The following LRP1B variants were observed in gnomAD, a reference collection of about 807,000 sequenced individuals.
LRP1B encodes the protein low-density lipoprotein receptor-related protein 1B.
In LRP1B, 217 loss-of-function variants were observed where a neutral mutation model predicts 556.6. That is an observed-to-expected ratio of 0.39 (90% CI 0.35 to 0.44). LRP1B has a LOEUF of 0.44. Ranked by LOEUF, LRP1B falls within the 20% of genes least tolerant of loss-of-function variation. The probability of loss-of-function intolerance (pLI) is 1.00; values close to 1 mark genes in which losing one functional copy is unlikely to be tolerated. For missense variants in LRP1B, 5,053 were observed against 5,620.8 expected (o/e 0.90, Z 3.23); for synonymous variants, 2,047 against 1,865.8 (o/e 1.10, Z -2.50).
chr2:141,125,164 C>T (rs1232257243), intron 7 of LRP1B, among the ~76,000 whole-genome samples: 4 of 152,144 alleles, frequency 2.6e-5, no homozygotes, highest in African/African-American at 7.2e-5. Context: ...AGACAAGTAT[C>T]TTCTTTGGAA....
At chr2:141,599,645 CAAT>C (rs1687658881) in intron 2 of LRP1B, among the ~76,000 whole-genome samples, 1 of 152,044 alleles carries the variant, frequency 6.6e-6, no homozygotes, top group Non-Finnish European at 1.5e-5. Flanking sequence ...AAAAATGTAA[CAAT>C]GATATAAAGG....
rs769891211 is a variant in LRP1B at position 141,586,941 on chromosome 2, C to CAAAA, written c.206-106412_206-106409dup. Among the ~76,000 whole-genome samples the CAAAA allele has an allele frequency of 3.6e-4, 26 of 71,546 alleles. 2 individuals carry two copies. In the South Asian group the frequency reaches 4.9e-3, roughly 13 times the overall value. The allele number at this position is 71,546 out of a possible 152,430, so 46.9% of individuals were successfully genotyped here. ...TGGGCGACAGAGTGAGACTCCATCTCAAAAAAAAAAGAAAAAAAAAAAAAG... is the reference window on the plus strand; with the variant it reads ...TGGGCGACAGAGTGAGACTCCATCTCAAAAAAAAAAAAAAGAAAAAAAAAAAAAG... On this transcript the variant is annotated intron_variant, in intron 2 of 90. Transcript: ENST00000389484.
intron 32 of LRP1B, among the ~76,000 whole-genome samples, chr2:140,813,005 CT>C (rs1483098345): frequency 6.6e-6 from 1 of 152,072 alleles, no homozygotes; most frequent in Non-Finnish European, 1.5e-5. Context: ...TCTTTTTAAA[CT>C]GAAACTTACA....
chr2:142,083,809 T>G (rs1251184182), intron 1 of LRP1B, among the ~76,000 whole-genome samples: 1 of 152,230 alleles, frequency 6.6e-6, no homozygotes, highest in Non-Finnish European at 1.5e-5. Flanking sequence ...GGGTCTGTAG[T>G]AATCACCTTT....
At chr2:141,094,901 T>TA (rs2104920072) in intron 7 of LRP1B, among the ~76,000 whole-genome samples, 1 of 152,340 alleles carries the variant, frequency 6.6e-6, no homozygotes, top group South Asian at 2.1e-4. Flanking sequence ...CAACCCCTGT[T>TA]ACGGTTTGAA....
At chr2:140,548,851 G>C (rs1370261417) in intron 43 of LRP1B, among the ~76,000 whole-genome samples, 1 of 151,976 alleles carries the variant, frequency 6.6e-6, no homozygotes, top group African/African-American at 2.4e-5. Flanking sequence ...CTTGAACCCG[G>C]GAGGCAAAGG....
At chr2:142,074,082 C>T (rs1334733029) in intron 1 of LRP1B, among the ~76,000 whole-genome samples, 7 of 152,056 alleles carry the variant, frequency 4.6e-5, no homozygotes, top group Non-Finnish European at 7.4e-5. Context: ...CTCTCCTGTA[C>T]CTTTCCTTTA....
At chr2:141,591,789 T>C (rs1411281767) in intron 2 of LRP1B, among the ~76,000 whole-genome samples, 8 of 152,166 alleles carry the variant, frequency 5.3e-5, no homozygotes, top group African/African-American at 4.8e-5. Context: ...ATGTAGTTTG[T>C]ATTTTCCTTT....
At chr2:140,584,264 T>A (rs571774069) in intron 43 of LRP1B, among the ~76,000 whole-genome samples, 3 of 152,150 alleles carry the variant, frequency 2.0e-5, no homozygotes, top group East Asian at 1.9e-4. Flanking sequence ...AACATGAAAC[T>A]TTTAAAACTA....
intron 1 of LRP1B, among the ~76,000 whole-genome samples, chr2:142,039,833 G>A (rs1704004749): frequency 6.6e-6 from 1 of 151,506 alleles, no homozygotes; most frequent in Non-Finnish European, 1.5e-5. Context: ...TGAAGTCATT[G>A]CTAAAGTGTT....
intron 29 of LRP1B, among the ~76,000 whole-genome samples, chr2:140,841,730 T>C (rs544646150): frequency 6.6e-6 from 1 of 152,312 alleles, no homozygotes; most frequent in African/African-American, 2.4e-5. Context: ...GTTATTCATT[T>C]ATTATTGAAT....
chr2:140,930,633 G>C (rs1695020800), intron 20 of LRP1B, among the ~76,000 whole-genome samples: 1 of 152,122 alleles, frequency 6.6e-6, no homozygotes, highest in South Asian at 2.1e-4. Flanking sequence ...AGGCCAGTCT[G>C]AGGGAGAAGT....
intron 3 of LRP1B, among the ~76,000 whole-genome samples, chr2:141,333,066 A>C (rs547829698): frequency 6.6e-6 from 1 of 152,174 alleles, no homozygotes; most frequent in South Asian, 2.1e-4. Context: ...CAAATATAAC[A>C]TTTTATTTCT....
chr2:140,807,297 A>C (rs1460425511), intron 32 of LRP1B, among the ~76,000 whole-genome samples: 1 of 152,152 alleles, frequency 6.6e-6, no homozygotes, highest in Admixed American at 6.6e-5. Flanking sequence ...TGTTTTTACC[A>C]TATCATTATC....
chr2:140,313,124 T>C (rs1684378866), intron 83 of LRP1B, among the ~76,000 whole-genome samples: 3 of 151,904 alleles, frequency 2.0e-5, no homozygotes. Context: ...TAAAACCACA[T>C]TTTAAAAGTG....
intron 2 of LRP1B, among the ~76,000 whole-genome samples, chr2:141,740,872 C>CT (rs974656277): frequency 2.6e-5 from 4 of 152,004 alleles, no homozygotes; most frequent in East Asian, 1.9e-4. Context: ...TGTTTTTTTC[C>CT]TTTTTTGTAC....
At chr2:140,993,143 G>A (rs1697141397) in intron 16 of LRP1B, among the ~76,000 whole-genome samples, 1 of 151,848 alleles carries the variant, frequency 6.6e-6, no homozygotes. Context: ...ATGAAGGACT[G>A]TCAATTAACT....
intron 31 of LRP1B, 111 bp downstream of exon 31, chr2:140,839,880 C>T: frequency 1.4e-6 from 1 of 722,206 alleles, no homozygotes; most frequent in Non-Finnish European, 2.3e-6. Context: ...CCTGAATTTA[C>T]TTATTTTACT....
chr2:140,665,320 G>A (rs1685230164), intron 41 of LRP1B, among the ~76,000 whole-genome samples: 2 of 152,240 alleles, frequency 1.3e-5, no homozygotes, highest in South Asian at 4.1e-4. Flanking sequence ...CATTTCAGGA[G>A]GAACTCTATT....
Sources: gnomAD v4.1 joint callset for allele counts (sites outside exome capture counted in the v4.1 genomes callset) on GRCh38, gnomAD v4.1.1 for gene constraint, MANE v1.5 for transcripts, NCBI Gene and HGNC (gene_info 2026-07-23, HGNC 2026-07-21) for gene names.